The following LURAP1L variants were observed in gnomAD, a reference collection of about 807,000 sequenced individuals.
LURAP1L encodes leucine rich adaptor protein 1-like.
Under a neutral mutation model 13.8 loss-of-function variants are expected in LURAP1L, and 12 were observed. The observed-to-expected ratio is 0.87, with a 90% confidence interval of 0.56 to 1.41. LURAP1L has a LOEUF of 1.41. Among genes scored for constraint, LURAP1L ranks in the 40% most tolerant of loss-of-function variants. The probability of loss-of-function intolerance (pLI) is 0.00; values close to 1 mark genes in which losing one functional copy is unlikely to be tolerated. For synonymous variants in LURAP1L, 139 were observed against 119.2 expected, an observed-to-expected ratio of 1.17 and a Z score of -1.08; for missense variants, 375 against 292.9, an observed-to-expected ratio of 1.28 and a Z score of -2.04.
At chr9:12,806,755 G>T (rs899206698) in intron 1 of LURAP1L, among the ~76,000 whole-genome samples, 2 of 151,664 alleles carry the variant, frequency 1.3e-5, no homozygotes, top group African/African-American at 4.8e-5. Flanking sequence ...AAAAAATAAG[G>T]TGTTGAGATT....
chr9:12,795,137 C>T (rs1044804269), intron 1 of LURAP1L, among the ~76,000 whole-genome samples: 1 of 151,990 alleles, frequency 6.6e-6, no homozygotes, highest in African/African-American at 2.4e-5. Flanking sequence ...GTTTCTCAGA[C>T]TTGCCCTGTG....
chr9:12,806,591 T>C (rs1819659991), intron 1 of LURAP1L, among the ~76,000 whole-genome samples: 1 of 152,188 alleles, frequency 6.6e-6, no homozygotes, highest in South Asian at 2.1e-4. Flanking sequence ...AAACTTTGCT[T>C]TATTTTCAAA....
chr9:12,781,339 G>A (rs10120667), intron 1 of LURAP1L, among the ~76,000 whole-genome samples: 112,914 of 151,944 alleles, frequency 0.74, 43,833 homozygotes, highest in Non-Finnish European at 0.86. Context: ...ACTACCAAAC[G>A]TTAGCTCTTA....
chr9:12,788,507 G>A (rs1819394916), intron 1 of LURAP1L, among the ~76,000 whole-genome samples: 1 of 152,122 alleles, frequency 6.6e-6, no homozygotes, highest in African/African-American at 2.4e-5. Context: ...GTACAAAAAT[G>A]TAGTTAGTGT....
intron 1 of LURAP1L, among the ~76,000 whole-genome samples, chr9:12,813,648 G>T (rs1418906023): frequency 6.6e-6 from 1 of 152,060 alleles, no homozygotes; most frequent in African/African-American, 2.4e-5. Flanking sequence ...ATTTCCAATA[G>T]TGCCAAAAAA....
chr9:12,821,102 G>T (rs933263831), intron 1 of LURAP1L, among the ~76,000 whole-genome samples: 1 of 152,126 alleles, frequency 6.6e-6, no homozygotes, highest in Non-Finnish European at 1.5e-5. Flanking sequence ...TAGAGAACCT[G>T]CCATTCAGTA....
At chr9:12,796,699 T>TA (rs57102522) in intron 1 of LURAP1L, among the ~76,000 whole-genome samples, 4 of 151,854 alleles carry the variant, frequency 2.6e-5, no homozygotes, top group South Asian at 2.1e-4. Context: ...TAGTTTTTTT[T>TA]AAAAAAGAGT....
At chr9:12,795,613 T>A (rs1229193363) in intron 1 of LURAP1L, among the ~76,000 whole-genome samples, 1 of 151,968 alleles carries the variant, frequency 6.6e-6, no homozygotes, top group African/African-American at 2.4e-5. Flanking sequence ...AAAGGTAAAA[T>A]CAGCCTAATT....
intron 1 of LURAP1L, among the ~76,000 whole-genome samples, chr9:12,783,044 AT>A (rs1354043028): frequency 6.6e-6 from 1 of 151,578 alleles, no homozygotes; most frequent in East Asian, 1.9e-4. Context: ...AATGCTACTG[AT>A]TTTTATGTTA....
intron 1 of LURAP1L, chr9:12,790,778 AG>A (rs1260794976): frequency 2.6e-5 from 4 of 151,786 alleles, no homozygotes; most frequent in African/African-American, 9.7e-5. Context: ...AAGTGCACAA[AG>A]AATATGTACA....
chr9:12,794,874 C>T (rs944769473), intron 1 of LURAP1L, among the ~76,000 whole-genome samples: 3 of 151,440 alleles, frequency 2.0e-5, no homozygotes, highest in Admixed American at 1.3e-4. Flanking sequence ...GTGATAAGCC[C>T]CAAAGTAATA....
chr9:12,800,935 T>C (rs1418109775), intron 1 of LURAP1L, among the ~76,000 whole-genome samples: 1 of 152,192 alleles, frequency 6.6e-6, no homozygotes, highest in Non-Finnish European at 1.5e-5. Context: ...TGCTTCTGTT[T>C]AGGATAATGT....
At chr9:12,786,504 A>G (rs1272431455) in intron 1 of LURAP1L, among the ~76,000 whole-genome samples, 1 of 136,284 alleles carries the variant, frequency 7.3e-6, no homozygotes, top group Non-Finnish European at 1.6e-5. Context: ...ATATTAATGA[A>G]CCCTCTAAAA....
At chr9:12,805,392 T>C (rs1819642508) in intron 1 of LURAP1L, among the ~76,000 whole-genome samples, 1 of 152,182 alleles carries the variant, frequency 6.6e-6, no homozygotes, top group Non-Finnish European at 1.5e-5. Flanking sequence ...AATAGTTATA[T>C]GCATATATGA....
intron 1 of LURAP1L, among the ~76,000 whole-genome samples, chr9:12,788,184 A>AAAGAAAGAAAGAAAGAAAGAAAGG (rs1563889096): frequency 3.5e-4 from 51 of 147,486 alleles, no homozygotes; most frequent in African/African-American, 1.2e-3. Context: ...AGAAAGAAAG[A>AAAGAAAGAAAGAAAGAAAGAAAGG]AAGAAAGAAA....
intron 1 of LURAP1L, among the ~76,000 whole-genome samples, chr9:12,785,131 C>T (rs573388811): frequency 1.3e-5 from 2 of 152,230 alleles, no homozygotes; most frequent in South Asian, 4.1e-4. Context: ...CCCTTCTGGC[C>T]CAGGGTGTGT....
chr9:12,806,801 G>C (rs1819663785), intron 1 of LURAP1L, among the ~76,000 whole-genome samples: 1 of 151,640 alleles, frequency 6.6e-6, no homozygotes. Context: ...CATTTGAGGT[G>C]ACAGTGTTGT....
At chr9:12,805,660 A>G (rs1035967929) in intron 1 of LURAP1L, among the ~76,000 whole-genome samples, 2 of 152,212 alleles carry the variant, frequency 1.3e-5, no homozygotes, top group African/African-American at 4.8e-5. Flanking sequence ...ATCCTAATAT[A>G]GGTTACCAAG....
intron 1 of LURAP1L, among the ~76,000 whole-genome samples, chr9:12,808,195 T>C (rs1014270652): frequency 8.5e-5 from 13 of 152,094 alleles, no homozygotes; most frequent in African/African-American, 2.7e-4. Context: ...GATCTGAGTT[T>C]CTGCCGATAT....
Sources: allele counts gnomAD v4.1 joint callset (sites outside exome capture counted in the v4.1 genomes callset), GRCh38; gene constraint gnomAD v4.1.1; transcripts MANE v1.5; gene names NCBI Gene and HGNC (gene_info 2026-07-23, HGNC 2026-07-21).